FBXL17: variants seen among roughly 807,000 people sequenced by gnomAD.
FBXL17 encodes F-box/LRR-repeat protein 17.
In FBXL17, 22 loss-of-function variants were observed where a neutral mutation model predicts 66.2. That is an observed-to-expected ratio of 0.33 (90% confidence interval 0.24 to 0.47). The LOEUF is 0.47. Among genes scored for constraint, FBXL17 ranks in the 20% least tolerant of loss-of-function variants. The probability of loss-of-function intolerance (pLI) is 1.00; values close to 1 mark genes in which losing one functional copy is unlikely to be tolerated. For missense variants in FBXL17, 878 were observed against 948.2 expected, an observed-to-expected ratio of 0.93 and a Z score of 0.97; for synonymous variants, 474 against 400.5, an observed-to-expected ratio of 1.18 and a Z score of -2.19.
chr5:107,974,114 T>C (rs913008692), intron 7 of FBXL17, among the ~76,000 whole-genome samples: 11 of 152,166 alleles, frequency 7.2e-5, no homozygotes, highest in Admixed American at 2.0e-4. Context: ...ACACTGTTTC[T>C]TGTCACTGTG....
At chr5:108,128,961 C>T (rs975396596) in intron 6 of FBXL17, among the ~76,000 whole-genome samples, 4 of 152,072 alleles carry the variant, frequency 2.6e-5, no homozygotes, top group African/African-American at 7.2e-5. Context: ...GAATTCACTT[C>T]CCTAACTATT....
In FBXL17 at chr5:107,893,036, G is replaced by A. The variant is rs552404097; in HGVS notation, c.1823-11857C>T. 3.9e-5 allele frequency among the ~76,000 whole-genome samples: 6 copies of A among 152,182 alleles called. No individual in the cohort carries two copies. The South Asian group carries it at 1.2e-3, about 32-fold the overall frequency. On this transcript the variant is annotated intron_variant, in intron 7 of 8. Transcript: ENST00000542267. ...TCTAATATACCTGTCTATCTCTCAAGTCCAGCAATTATTTCAATTCAAAAA... is the reference window on the plus strand; with the variant it reads ...TCTAATATACCTGTCTATCTCTCAAATCCAGCAATTATTTCAATTCAAAAA...
At chr5:108,154,686 CAT>C (rs747214809) in intron 6 of FBXL17, among the ~76,000 whole-genome samples, 279 of 139,280 alleles carry the variant, frequency 2.0e-3, no homozygotes, top group Middle Eastern at 7.8e-3. Flanking sequence ...TATATATACA[CAT>C]ATATATGTAT....
intron 6 of FBXL17, among the ~76,000 whole-genome samples, chr5:108,123,329 GGCAAA>G (rs926559727): frequency 6.6e-6 from 1 of 151,922 alleles, no homozygotes; most frequent in African/African-American, 2.4e-5. Flanking sequence ...CCCCAACACA[GGCAAA>G]GCTCTTGAAA....
Position 108,380,786 on chromosome 5 carries a change from C to G in FBXL17, c.906G>C (p.Glu302Asp), listed in dbSNP as rs2112670712. ...GACAGTCGCAGGGGTTTTCGGGGGACTCCCGACAGTCCGCGTCGCCACATT... is the reference window on the plus strand; with the variant it reads ...GACAGTCGCAGGGGTTTTCGGGGGAGTCCCGACAGTCCGCGTCGCCACATT... ...QHECGDADCR[E>D]SPENPCDCHR... The change falls in exon 1 of 9, where the codon GAG (glutamate) becomes GAC (aspartate). Residue 302 changes from glutamate (E) to aspartate (D), a missense_variant. Around this residue, in one of 4 missense-constraint regions of FBXL17, gnomAD observed 605 missense variants for 509.5 expected, o/e 1.19. Coordinates refer to ENST00000542267, the MANE Select transcript of FBXL17 (RefSeq NM_001163315.3). 3 of 1,248,260 alleles carry G rather than the reference C, an allele frequency of 2.4e-6. No individual in the cohort carries two copies. In the South Asian group the frequency reaches 1.2e-4, roughly 51 times the overall value. 77.3% of individuals were successfully genotyped at this position (1,248,260 alleles called of 1,614,324 possible). A position where few individuals can be genotyped will look rare whatever the true frequency, so the allele number is the denominator to read the frequency against.
At chr5:108,171,454 C>CTATAA (rs2150016821) in intron 6 of FBXL17, among the ~76,000 whole-genome samples, 1 of 152,194 alleles carries the variant, frequency 6.6e-6, no homozygotes, top group African/African-American at 2.4e-5. Flanking sequence ...TTTACTTTAT[C>CTATAA]TATAAAACAG....
chr5:108,298,936 T>C (rs1048935389), intron 4 of FBXL17: 14 of 948,158 alleles, frequency 1.5e-5, no homozygotes, highest in Admixed American at 1.2e-4. Context: ...TTAAATAATA[T>C]TATTTACTTT....
chr5:108,346,353 T>C (rs764854484), intron 4 of FBXL17, among the ~76,000 whole-genome samples: 6 of 152,136 alleles, frequency 3.9e-5, no homozygotes, highest in Non-Finnish European at 7.4e-5. Context: ...ACAAAACTGA[T>C]GCCCTTAGCA....
chr5:107,931,413 C>T (rs1750734706), intron 7 of FBXL17, among the ~76,000 whole-genome samples: 1 of 151,848 alleles, frequency 6.6e-6, no homozygotes. Context: ...GTGTGTGTCA[C>T]CACGCCTGGC....
At chr5:107,914,801 T>G (rs189456909) in intron 7 of FBXL17, among the ~76,000 whole-genome samples, 2 of 152,164 alleles carry the variant, frequency 1.3e-5, no homozygotes, top group Non-Finnish European at 1.5e-5. Flanking sequence ...TAAGACAAAG[T>G]GGAAGGAATT....
chr5:108,381,890 G>C lies in FBXL17; in HGVS notation c.-199C>G, dbSNP rs899340180. 3 of 1,287,628 alleles carry C rather than the reference G, an allele frequency of 2.3e-6. No homozygotes were observed. The highest frequency in any genetic ancestry group is 2.0e-6 in the Non-Finnish European group (2 of 1,017,926). The allele number at this position is 1,287,628 out of a possible 1,614,324, so 79.8% of individuals were successfully genotyped here. A position where few individuals can be genotyped will look rare whatever the true frequency, so the allele number is the denominator to read the frequency against. On this transcript the variant is annotated 5_prime_UTR_variant, in exon 1 of 9. Coordinates refer to ENST00000542267, the MANE Select transcript of FBXL17 (RefSeq NM_001163315.3). ...CGGGCCGCCGGAGTGCCCGACGGGGGCTACATGCTTTGCCCAGGGAAGCCG... is the reference window on the plus strand; with the variant it reads ...CGGGCCGCCGGAGTGCCCGACGGGGCCTACATGCTTTGCCCAGGGAAGCCG...
chr5:107,972,967 C>A (rs1580268745), intron 7 of FBXL17, among the ~76,000 whole-genome samples: 1 of 152,202 alleles, frequency 6.6e-6, no homozygotes, highest in African/African-American at 2.4e-5. Flanking sequence ...AACCTCTCAC[C>A]CCATCTCCAT....
chr5:108,025,727 G>GCGCA (rs370886256), intron 6 of FBXL17, among the ~76,000 whole-genome samples: 2,416 of 141,210 alleles, frequency 0.017, 67 homozygotes, highest in African/African-American at 0.057. Flanking sequence ...ACGCGCGCGC[G>GCGCA]CACACACACA....
intron 7 of FBXL17, among the ~76,000 whole-genome samples, chr5:107,904,700 C>A (rs192420854): frequency 6.6e-6 from 1 of 151,842 alleles, no homozygotes. Context: ...TTTATTCATG[C>A]TAATAATAAA....
At chr5:108,185,582 G>C (rs1180962536) in intron 6 of FBXL17, among the ~76,000 whole-genome samples, 1 of 152,068 alleles carries the variant, frequency 6.6e-6, no homozygotes, top group African/African-American at 2.4e-5. Flanking sequence ...GGCTAATATA[G>C]GCGCAGTGGT....
intron 6 of FBXL17, among the ~76,000 whole-genome samples, chr5:108,106,475 T>C (rs987832862): frequency 2.0e-5 from 3 of 152,028 alleles, no homozygotes; most frequent in South Asian, 2.1e-4. Flanking sequence ...ATATTCACAA[T>C]AGCAAAAAAG....
At chr5:108,301,983 T>C in intron 4 of FBXL17, 1 of 980,236 alleles carries the variant, frequency 1.0e-6, no homozygotes, top group Non-Finnish European at 1.2e-6. Flanking sequence ...TACCTCCTAG[T>C]AGGACAGGCA....
chr5:107,988,924 G>A (rs1753122600), intron 7 of FBXL17, among the ~76,000 whole-genome samples: 1 of 151,962 alleles, frequency 6.6e-6, no homozygotes, highest in Non-Finnish European at 1.5e-5. Context: ...GATAATGAAA[G>A]GCATAATCCC....
At chr5:107,894,219 G>A (rs1394617732) in intron 7 of FBXL17, among the ~76,000 whole-genome samples, 1 of 152,178 alleles carries the variant, frequency 6.6e-6, no homozygotes, top group African/African-American at 2.4e-5. Flanking sequence ...ATAGCTAAAG[G>A]TGTTTCACCT....
Sources: gnomAD v4.1 joint callset for allele counts (sites outside exome capture counted in the v4.1 genomes callset) on GRCh38, gnomAD v4.1.1 for gene constraint, gnomAD v4.1.1 regional missense constraint, MANE v1.5 for transcripts, NCBI Gene and HGNC (gene_info 2026-07-23, HGNC 2026-07-21) for gene names.